CORO2B: variants seen among roughly 807,000 people sequenced by gnomAD.
CORO2B encodes the protein coronin-2B.
CORO2B carries 26 observed loss-of-function variants against 58.8 expected under a neutral mutation model. That is an observed-to-expected ratio of 0.44 (90% CI 0.32 to 0.61). The LOEUF (loss-of-function observed/expected upper bound fraction) is 0.61, where lower values mean the gene tolerates loss of function less well. CORO2B is among the 20% of genes least tolerant of loss of function. The pLI, the probability that CORO2B is intolerant of heterozygous loss-of-function variation, is 0.04. For synonymous variants in CORO2B, 242 were observed against 253.8 expected (o/e 0.95, Z 0.44); for missense variants, 460 against 645.1 (o/e 0.71, Z 3.11).
intron 2 of CORO2B, among the ~76,000 whole-genome samples, chr15:68,648,758 G>A (rs1337057284): frequency 6.6e-6 from 1 of 152,212 alleles, no homozygotes; most frequent in Admixed American, 6.5e-5. Flanking sequence ...AATTGGAAAA[G>A]ATTTAAAAGA....
the CORO2B span, among the ~76,000 whole-genome samples, chr15:68,525,599 C>T: frequency 1.3e-5 from 2 of 152,156 alleles, no homozygotes; most frequent in African/African-American, 4.8e-5. Flanking sequence ...AATCTCCAGA[C>T]TCTTGTCTCA....
chr15:68,680,250 TG>T (rs570016161), intron 2 of CORO2B, among the ~76,000 whole-genome samples: 87 of 152,280 alleles, frequency 5.7e-4, no homozygotes, highest in Admixed American at 5.0e-3. Flanking sequence ...AGACTGGCAT[TG>T]TGTTTGAGAC....
rs924764097 is a variant in CORO2B at position 68,660,458 on chromosome 15, C to T, written c.216+15098C>T. 2.6e-5 allele frequency among the ~76,000 whole-genome samples: 4 copies of T among 152,102 alleles called. No homozygotes were observed. The South Asian group carries it at 6.2e-4, about 24-fold the overall frequency. On this transcript the variant is annotated intron_variant, in intron 2 of 11. Coordinates refer to ENST00000261861, the MANE Select transcript of CORO2B (RefSeq NM_006091.5). ...TGATCATGGCTCACTGTAGCCTCAACGTCCTGGGCTCAAGTGATGCTCTCA... is the reference window on the plus strand; with the variant it reads ...TGATCATGGCTCACTGTAGCCTCAATGTCCTGGGCTCAAGTGATGCTCTCA...
chr15:68,716,214 A>C (rs1893029295), intron 8 of CORO2B, among the ~76,000 whole-genome samples: 3 of 152,354 alleles, frequency 2.0e-5, no homozygotes, highest in Admixed American at 6.5e-5. Flanking sequence ...TCACTCCTGC[A>C]TCAAATAGTA....
At chr15:68,670,184 T>G (rs1902341388) in intron 2 of CORO2B, among the ~76,000 whole-genome samples, 1 of 152,090 alleles carries the variant, frequency 6.6e-6, no homozygotes, top group Non-Finnish European at 1.5e-5. Context: ...TAGTGGTTTG[T>G]TTTGTTTTGA....
At chr15:68,547,557 T>A in the CORO2B span, among the ~76,000 whole-genome samples, 7 of 152,110 alleles carry the variant, frequency 4.6e-5, no homozygotes, top group African/African-American at 7.2e-5. Flanking sequence ...TTAGCCAGGA[T>A]GGTCTCAATC....
intron 1 of CORO2B, among the ~76,000 whole-genome samples, chr15:68,619,888 A>G (rs988835356): frequency 6.6e-6 from 1 of 152,016 alleles, no homozygotes; most frequent in Non-Finnish European, 1.5e-5. Context: ...CTCATTTTAT[A>G]GAAGATGAAA....
intron 1 of CORO2B, among the ~76,000 whole-genome samples, chr15:68,590,922 G>A (rs1389101283): frequency 1.3e-5 from 2 of 152,158 alleles, no homozygotes; most frequent in East Asian, 1.9e-4. Context: ...AGGGCCGGCC[G>A]CCTTCCCCAT....
intron 1 of CORO2B, among the ~76,000 whole-genome samples, chr15:68,593,665 T>G (rs540785620): frequency 1.1e-4 from 16 of 152,122 alleles, no homozygotes; most frequent in South Asian, 6.2e-4. Context: ...GGGTTTGTTT[T>G]TTTTTTTGCA....
intron 2 of CORO2B, among the ~76,000 whole-genome samples, chr15:68,657,933 A>G (rs1324576675): frequency 6.6e-6 from 1 of 152,268 alleles, no homozygotes; most frequent in Admixed American, 6.5e-5. Flanking sequence ...GTATAAAATC[A>G]GGACAGGCAG....
intron 1 of CORO2B, among the ~76,000 whole-genome samples, chr15:68,633,123 A>G (rs1047664306): frequency 3.9e-5 from 6 of 152,134 alleles, no homozygotes; most frequent in Non-Finnish European, 8.8e-5. Flanking sequence ...AGCTGTCACC[A>G]TTGAGTGTGG....
chr15:68,698,550 G>A (rs1310286826), intron 3 of CORO2B, among the ~76,000 whole-genome samples: 1 of 152,180 alleles, frequency 6.6e-6, no homozygotes, highest in Non-Finnish European at 1.5e-5. Flanking sequence ...AAGAGACTCT[G>A]TTCAGTTTTG....
At chr15:68,620,294 T>C (rs774910042) in intron 1 of CORO2B, among the ~76,000 whole-genome samples, 4 of 152,194 alleles carry the variant, frequency 2.6e-5, no homozygotes, top group Non-Finnish European at 5.9e-5. Context: ...TTAAATTGCT[T>C]AGAATGATGT....
the CORO2B span, among the ~76,000 whole-genome samples, chr15:68,553,549 A>T: frequency 6.6e-6 from 1 of 152,054 alleles, no homozygotes; most frequent in Non-Finnish European, 1.5e-5. Flanking sequence ...CCCCCATAAC[A>T]CTCATCTTAG....
At chr15:68,566,546 A>T in the CORO2B span, among the ~76,000 whole-genome samples, 1 of 152,252 alleles carries the variant, frequency 6.6e-6, no homozygotes, top group South Asian at 2.1e-4. Flanking sequence ...GCTGGGAGTC[A>T]GGATACCCGG....
At chr15:68,717,861 G>T (rs891378754) in intron 8 of CORO2B, among the ~76,000 whole-genome samples, 47 of 152,326 alleles carry the variant, frequency 3.1e-4, no homozygotes, top group African/African-American at 1.1e-3. Flanking sequence ...AATGAATGTG[G>T]TCTGTGCTCG....
chr15:68,625,758 C>T (rs1900660338), intron 1 of CORO2B, among the ~76,000 whole-genome samples: 1 of 152,162 alleles, frequency 6.6e-6, no homozygotes, highest in Non-Finnish European at 1.5e-5. Context: ...GTGCACACCA[C>T]CACACCCAGC....
chr15:68,570,642 A>C, the CORO2B span, among the ~76,000 whole-genome samples: 1 of 152,180 alleles, frequency 6.6e-6, no homozygotes, highest in African/African-American at 2.4e-5. Context: ...TGTGAAGTAC[A>C]ATGAAGGCTT....
intron 2 of CORO2B, among the ~76,000 whole-genome samples, chr15:68,677,069 C>A (rs1902610679): frequency 6.6e-6 from 1 of 152,204 alleles, no homozygotes; most frequent in Non-Finnish European, 1.5e-5. Context: ...CCACGGTGCC[C>A]AGTCCAAGAC....
Sources: allele counts gnomAD v4.1 joint callset (sites outside exome capture counted in the v4.1 genomes callset), GRCh38; gene constraint gnomAD v4.1.1; transcripts MANE v1.5; gene names NCBI Gene and HGNC (gene_info 2026-07-23, HGNC 2026-07-21).